The following PEF1 variants were observed in gnomAD, a reference collection of about 807,000 sequenced individuals.
PEF1 encodes the protein penta-EF-hand domain containing 1.
PEF1 carries 17 observed loss-of-function variants against 32.0 expected under a neutral mutation model. The observed-to-expected ratio is 0.53, with a 90% CI of 0.36 to 0.80. The LOEUF (loss-of-function observed/expected upper bound fraction) is 0.80, where lower values mean the gene tolerates loss of function less well. PEF1 is among the 30% of genes least tolerant of loss of function. The pLI is 0.00. For missense variants in PEF1, 362 were observed against 369.1 expected (o/e 0.98, Z 0.16); for synonymous variants, 130 against 139.8 (o/e 0.93, Z 0.50).
chr1:31,633,641 G>A (rs1640176644), intron 2 of PEF1, among the ~76,000 whole-genome samples: 1 of 152,184 alleles, frequency 6.6e-6, no homozygotes, highest in Admixed American at 6.5e-5. Flanking sequence ...ACTGCGAGAT[G>A]GGGGAATGGG....
intron 1 of PEF1, among the ~76,000 whole-genome samples, chr1:31,641,232 C>G (rs578099286): frequency 6.6e-6 from 1 of 152,242 alleles, no homozygotes; most frequent in East Asian, 1.9e-4. Context: ...TCATCCAAAC[C>G]TAAGGCCAAG....
rs190139982 is a variant in PEF1, at chr1:31,640,196, G to A, written c.24+4645C>T. On this transcript the variant is annotated intron_variant, in intron 1 of 4. Coordinates refer to ENST00000373703, the MANE Select transcript of PEF1 (RefSeq NM_012392.4). The stretch of plus-strand genomic sequence containing the variant: ...GGACTGGGGGCAACAAACATTTACT[G>A]AGGCTCTGCTAGGTGCTTCCAGTTC... Among the ~76,000 whole-genome samples, 3 of 152,294 alleles carry A rather than the reference G, an allele frequency of 2.0e-5. No homozygotes were observed. In the East Asian group the frequency reaches 5.8e-4, roughly 29 times the overall value.
At chr1:31,632,786 G>T in intron 3 of PEF1, 148 bp from the exon 4 acceptor site, 1 of 935,684 alleles carries the variant, frequency 1.1e-6, no homozygotes, top group Non-Finnish European at 1.6e-6. Flanking sequence ...GCCTGCACCT[G>T]AGACACCCAC....
chr1:31,632,745 A>C, intron 3 of PEF1, 107 bp from the exon 4 acceptor site: 1 of 1,326,252 alleles, frequency 7.5e-7, no homozygotes, highest in Non-Finnish European at 1.0e-6. Context: ...GGAGTAGGCG[A>C]CTTCACAGAA....
intron 2 of PEF1, 28 bp downstream of exon 2, chr1:31,635,194 G>A (rs1640219579): frequency 6.2e-7 from 1 of 1,609,908 alleles, no homozygotes; most frequent in African/African-American, 1.3e-5. Context: ...CACGTCAGAG[G>A]TACCCGGAGT....
At chr1:31,644,766 A>T in intron 1 of PEF1, 75 bp downstream of exon 1, 1 of 1,610,352 alleles carries the variant, frequency 6.2e-7, no homozygotes, top group South Asian at 1.1e-5. Context: ...GAAAGCGGGG[A>T]GAAAGAGCAG....
In PEF1 at chr1:31,632,614, C is replaced by G. The variant is rs763935107; in HGVS notation, c.506G>C (p.Gly169Ala). The change falls in exon 4 of 5, where the codon GGC becomes GCC. Residue 169 changes from glycine to alanine, a missense_variant. Gly to Ala is a moderately conservative substitution (Grantham distance 60). Transcript: ENST00000373703. ...TGAGAAGCCGTAGACATCGATGCGG[C>G]CTGACTTGGTCTTGTCAAACATGTC... ...MINMFDKTKS[G>A]RIDVYGFSAL... 1 of 1,614,080 alleles carries G rather than the reference C, an allele frequency of 6.2e-7. No homozygotes were observed. The highest frequency in any genetic ancestry group is 1.7e-5 in the Admixed American group (1 of 60,020).
At chr1:31,642,748 C>A (rs1441202427) in intron 1 of PEF1, among the ~76,000 whole-genome samples, 1 of 152,192 alleles carries the variant, frequency 6.6e-6, no homozygotes, top group East Asian at 1.9e-4. Flanking sequence ...GTCACGGCAG[C>A]AAGAGCTGCC....
intron 4 of PEF1, among the ~76,000 whole-genome samples, chr1:31,631,532 C>G (rs184899869): frequency 6.6e-6 from 1 of 152,130 alleles, no homozygotes; most frequent in African/African-American, 2.4e-5. Context: ...ATTTGTTATG[C>G]GGGCCCTTGG....
intron 2 of PEF1, 126 bp from the exon 3 acceptor site, chr1:31,633,440 G>A (rs4949454): frequency 0.51 from 541,134 of 1,054,190 alleles, 146,239 homozygotes; most frequent in South Asian, 0.56. Context: ...CTTCCATCAA[G>A]CTGACATTCT....
Position 31,630,809 on chromosome 1 carries a change from T to A in PEF1, c.659A>T (p.Gln220Leu). The change falls in exon 5 of 5, where the codon CAG becomes CTG. Residue 220 changes from glutamine to leucine, a missense_variant. By Grantham distance (113) the Gln-to-Leu change is moderately radical. Transcript: ENST00000373703. ...LSQMGYNLSPQFTQLLVSRYC... is the reference protein window; with the variant it reads ...LSQMGYNLSPLFTQLLVSRYC... ...GCGGGAGACCAGAAGCTGGGTGAAC[T>A]GGGGGCTCAGGTTGTAGCCCATTTG... The A allele has an allele frequency of 6.2e-7, 1 of 1,612,292 alleles. No homozygotes were observed. The highest frequency in any genetic ancestry group is 8.5e-7 in the Non-Finnish European group (1 of 1,179,972).
At chr1:31,632,351 G>A in intron 4 of PEF1, 144 bp downstream of exon 4, 1 of 1,390,468 alleles carries the variant, frequency 7.2e-7, no homozygotes, top group Non-Finnish European at 1.0e-6. Flanking sequence ...GAAGGGGTGA[G>A]GGATGCAGGC....
chr1:31,632,394 G>A lies in PEF1; in HGVS notation c.625+101C>T, dbSNP rs771540739. 10 of 1,573,952 alleles carry A rather than the reference G, an allele frequency of 6.4e-6. No individual in the cohort carries two copies. The South Asian group carries it at 7.8e-5, about 12-fold the overall frequency. ...GAGAACAGCATTTTGTAGTGCAGGT[G>A]GACATTCGGTAACAAGAGGAAACCC... On this transcript the variant is annotated intron_variant, in intron 4 of 4. Coordinates refer to ENST00000373703, the MANE Select transcript of PEF1 (RefSeq NM_012392.4).
intron 1 of PEF1, among the ~76,000 whole-genome samples, chr1:31,640,414 TG>T (rs1057093232): frequency 6.6e-6 from 1 of 152,060 alleles, no homozygotes; most frequent in Non-Finnish European, 1.5e-5. Context: ...AATAAATGAG[TG>T]AGTGCCTAGC....
intron 1 of PEF1, among the ~76,000 whole-genome samples, chr1:31,638,848 G>A (rs1010561383): frequency 1.3e-5 from 2 of 152,188 alleles, no homozygotes; most frequent in Non-Finnish European, 2.9e-5. Context: ...CATTCAGCAC[G>A]CATTTTCAGA....
chr1:31,640,838 G>A (rs1222558186), intron 1 of PEF1, among the ~76,000 whole-genome samples: 21 of 151,976 alleles, frequency 1.4e-4, no homozygotes, highest in Non-Finnish European at 2.9e-4. Context: ...AGGTATCAAC[G>A]GCTGTTCCAA....
chr1:31,632,461 G>T (rs769540782), intron 4 of PEF1, 34 bp downstream of exon 4: 1 of 1,614,092 alleles, frequency 6.2e-7, no homozygotes, highest in African/African-American at 1.3e-5. Context: ...GTCTAGCTCT[G>T]TCCTGCCCAT....
chr1:31,635,464 C>A lies in PEF1; in HGVS notation c.83G>T (p.Gly28Val). 6.3e-7 allele frequency: 1 copy of A among 1,575,274 alleles called. No individual in the cohort carries two copies. The highest frequency in any genetic ancestry group is 1.1e-5 in the South Asian group (1 of 87,026). The change falls in exon 2 of 5, where the codon GGA becomes GTA. Residue 28 changes from glycine to valine, a missense_variant. Coordinates refer to ENST00000373703, the MANE Select transcript of PEF1 (RefSeq NM_012392.4). ...ATACTGCCCTCCACTATTGGGGGGT[C>A]CAGGGTAGTAGCTACCCGGAGGGGC... is the stretch of plus-strand genomic sequence containing the variant. ...PGAPPGSYYPGPPNSGGQYGS... is the reference protein window; with the variant it reads ...PGAPPGSYYPVPPNSGGQYGS...
intron 1 of PEF1, among the ~76,000 whole-genome samples, chr1:31,639,847 C>T (rs1188774488): frequency 6.6e-6 from 1 of 152,198 alleles, no homozygotes; most frequent in East Asian, 1.9e-4. Flanking sequence ...AGACAGAATG[C>T]AGGCTGCACA....
Sources: gnomAD v4.1 joint callset for allele counts (sites outside exome capture counted in the v4.1 genomes callset) on GRCh38, gnomAD v4.1.1 for gene constraint, MANE v1.5 for transcripts, NCBI Gene and HGNC (gene_info 2026-07-23, HGNC 2026-07-21) for gene names.